CTNNA3: variants seen among roughly 807,000 people sequenced by gnomAD.
CTNNA3 encodes the protein catenin alpha 3.
Under a neutral mutation model 95.7 loss-of-function variants are expected in CTNNA3, and 76 were observed. The observed-to-expected ratio is 0.79, with a 90% CI of 0.66 to 0.96. CTNNA3 has a LOEUF of 0.96. Ranked by LOEUF, CTNNA3 falls within the 40% of genes least tolerant of loss-of-function variation. The pLI is 0.00. For missense variants in CTNNA3, 1,191 were observed against 1,089.8 expected (o/e 1.09, Z -1.31); for synonymous variants, 431 against 374.4 (o/e 1.15, Z -1.74).
At chr10:67,440,803 A>G (rs887578415) in intron 5 of CTNNA3, among the ~76,000 whole-genome samples, 2 of 152,156 alleles carry the variant, frequency 1.3e-5, no homozygotes, top group African/African-American at 4.8e-5. Context: ...CCCTTCAAAT[A>G]CCTGGGAAGC....
At chr10:67,577,221 T>C (rs1381791032) in intron 3 of CTNNA3, among the ~76,000 whole-genome samples, 2 of 151,924 alleles carry the variant, frequency 1.3e-5, no homozygotes, top group African/African-American at 4.8e-5. Flanking sequence ...ACCTGTTGTT[T>C]CCTGACTTTT....
intron 1 of CTNNA3, among the ~76,000 whole-genome samples, chr10:67,650,921 C>T (rs773952500): frequency 2.0e-5 from 3 of 152,054 alleles, no homozygotes; most frequent in Non-Finnish European, 4.4e-5. Flanking sequence ...CATTTGGCAC[C>T]TACTTCTCCT....
chr10:67,572,876 C>T (rs1842022324), intron 3 of CTNNA3, among the ~76,000 whole-genome samples: 1 of 152,048 alleles, frequency 6.6e-6, no homozygotes, highest in African/African-American at 2.4e-5. Flanking sequence ...TCACTTGAGT[C>T]CAGGAGTTCA....
chr10:66,362,921 T>C (rs879542980), intron 12 of CTNNA3, among the ~76,000 whole-genome samples: 5 of 152,178 alleles, frequency 3.3e-5, no homozygotes, highest in African/African-American at 4.8e-5. Context: ...TCTTGATATC[T>C]TTTTAATTCT....
intron 5 of CTNNA3, among the ~76,000 whole-genome samples, chr10:67,291,393 A>T (rs1020584168): frequency 1.3e-5 from 2 of 152,142 alleles, no homozygotes; most frequent in African/African-American, 4.8e-5. Flanking sequence ...AAGATGAATG[A>T]TCTATCCTGG....
intron 16 of CTNNA3, among the ~76,000 whole-genome samples, chr10:65,978,430 A>AT (rs58380415): frequency 0.038 from 5,420 of 142,854 alleles, 300 homozygotes; most frequent in African/African-American, 0.12. Flanking sequence ...TATTGTAAGC[A>AT]TTTTTTTTTT....
chr10:67,546,286 C>A (rs1050991864), intron 3 of CTNNA3, among the ~76,000 whole-genome samples: 5 of 151,996 alleles, frequency 3.3e-5, no homozygotes, highest in African/African-American at 9.7e-5. Context: ...TATGCATCAC[C>A]AAACCCAATT....
intron 7 of CTNNA3, among the ~76,000 whole-genome samples, chr10:67,107,391 G>C (rs1429388895): frequency 7.2e-5 from 11 of 152,164 alleles, no homozygotes; most frequent in Admixed American, 7.2e-4. Context: ...TGTTATGTCA[G>C]TTTCAATAAA....
chr10:67,165,231 A>G (rs1861713913), intron 7 of CTNNA3, among the ~76,000 whole-genome samples: 2 of 152,194 alleles, frequency 1.3e-5, no homozygotes, highest in Admixed American at 1.3e-4. Flanking sequence ...CATTATGCTG[A>G]GTTTTTAAAA....
chr10:67,112,012 C>CA (rs1175013759), intron 7 of CTNNA3, among the ~76,000 whole-genome samples: 1 of 151,290 alleles, frequency 6.6e-6, no homozygotes, highest in African/African-American at 2.4e-5. Flanking sequence ...TTTAGCCTCC[C>CA]AAAAAAAAGT....
At chr10:67,172,820 C>A (rs1302457638) in intron 7 of CTNNA3, among the ~76,000 whole-genome samples, 2 of 151,956 alleles carry the variant, frequency 1.3e-5, no homozygotes, top group Admixed American at 1.3e-4. Flanking sequence ...CTAAAAAATA[C>A]AAAAATTAGC....
At position 66,606,745 on chromosome 10, in the gene CTNNA3, C is replaced by T. The variant is rs561587350; in HGVS notation, c.1374+14947G>A. ...AACTAATGAGAACAAAGATACCTCA[C>T]GCCAGCATCTCTGGGACACAGCTAA... On this transcript the variant is annotated intron_variant, in intron 10 of 17. Coordinates refer to ENST00000433211, the MANE Select transcript of CTNNA3 (RefSeq NM_013266.4). 1.2e-4 allele frequency among the ~76,000 whole-genome samples: 18 copies of T among 152,176 alleles called. No individual in the cohort carries two copies. In the South Asian group the frequency reaches 3.5e-3, roughly 30 times the overall value.
intron 15 of CTNNA3, among the ~76,000 whole-genome samples, chr10:66,063,614 C>T (rs1278836702): frequency 1.3e-5 from 2 of 151,648 alleles, no homozygotes; most frequent in East Asian, 3.9e-4. Flanking sequence ...TTTTAAAAAA[C>T]TAGTAAGCTT....
At chr10:67,456,616 T>C (rs1388364804) in intron 5 of CTNNA3, among the ~76,000 whole-genome samples, 2 of 152,172 alleles carry the variant, frequency 1.3e-5, no homozygotes, top group African/African-American at 4.8e-5. Flanking sequence ...GTAATATTCT[T>C]TCTCTGTATG....
At chr10:66,773,060 G>C (rs1840159047) in intron 8 of CTNNA3, among the ~76,000 whole-genome samples, 1 of 152,148 alleles carries the variant, frequency 6.6e-6, no homozygotes, top group Non-Finnish European at 1.5e-5. Flanking sequence ...TTATATTGCT[G>C]TTTTAATTAA....
intron 3 of CTNNA3, among the ~76,000 whole-genome samples, chr10:67,566,033 ATGTGTG>A (rs778991249): frequency 5.0e-5 from 3 of 59,922 alleles, no homozygotes; most frequent in African/African-American, 9.7e-5. Context: ...ACACACACAT[ATGTGTG>A]TGTGTATATA....
At chr10:66,279,613 T>C (rs1036696423) in intron 13 of CTNNA3, among the ~76,000 whole-genome samples, 1 of 151,894 alleles carries the variant, frequency 6.6e-6, no homozygotes, top group Non-Finnish European at 1.5e-5. Context: ...ACCCAGAGTT[T>C]AACAGCAGGA....
intron 12 of CTNNA3, among the ~76,000 whole-genome samples, chr10:66,366,635 A>G (rs1258764606): frequency 6.6e-6 from 1 of 152,076 alleles, no homozygotes; most frequent in Non-Finnish European, 1.5e-5. Flanking sequence ...CTTGATCTTG[A>G]ATTTCTCCAG....
At position 67,671,982 on chromosome 10, in the gene CTNNA3, T is replaced by A. The variant is rs550183633; in HGVS notation, c.-6+24018A>T. 8.5e-5 allele frequency among the ~76,000 whole-genome samples: 13 copies of A among 152,316 alleles called. No individual in the cohort carries two copies. In the East Asian group the frequency reaches 1.9e-3, roughly 23 times the overall value. On this transcript the variant is annotated intron_variant, in intron 1 of 17. Transcript: ENST00000433211. ...CTAGTTTACAGTCCCACCAACAGTG[T>A]AAAATTGTTCCTATTTCTCCACATC...
Sources: allele counts gnomAD v4.1 joint callset (sites outside exome capture counted in the v4.1 genomes callset), GRCh38; gene constraint gnomAD v4.1.1; transcripts MANE v1.5; gene names NCBI Gene and HGNC (gene_info 2026-07-23, HGNC 2026-07-21).